RNMT: variants seen among roughly 807,000 people sequenced by gnomAD.
The protein encoded by RNMT is mRNA cap guanine-N(7) methyltransferase.
A neutral mutation model predicts 56.0 loss-of-function variants in RNMT; 27 were observed. That is an observed-to-expected ratio of 0.48 (90% CI 0.36 to 0.67). The LOEUF is 0.67. Ranked by LOEUF, RNMT falls within the 30% of genes least tolerant of loss-of-function variation. RNMT has a pLI of 0.00. For missense variants in RNMT, 519 were observed against 552.1 expected, an observed-to-expected ratio of 0.94 and a Z score of 0.60; for synonymous variants, 184 against 176.2, an observed-to-expected ratio of 1.04 and a Z score of -0.35.
At chr18:13,733,409 G>T (rs1568498972) in intron 3 of RNMT, among the ~76,000 whole-genome samples, 1 of 151,772 alleles carries the variant, frequency 6.6e-6, no homozygotes, top group Non-Finnish European at 1.5e-5. Context: ...TGAGAGTCTC[G>T]CTCTGTTGCC....
Position 13,762,740 on chromosome 18 carries a change from C to A in RNMT, c.*2761C>A. The A allele has an allele frequency of 3.7e-6, 1 of 268,092 alleles. No homozygotes were observed. The highest frequency in any genetic ancestry group is 7.4e-6 in the Non-Finnish European group (1 of 134,896). 16.6% of individuals were successfully genotyped at this position (268,092 alleles called of 1,614,324 possible). ...GAAAAGAAGACAAAGCTTGCTCAGC[C>A]ATGAGATGGCCAGGTATCCAGTTTT... is the stretch of plus-strand genomic sequence containing the variant. On this transcript the variant is annotated 3_prime_UTR_variant, in exon 12 of 12. Transcript: ENST00000383314.
intron 8 of RNMT, among the ~76,000 whole-genome samples, chr18:13,745,170 A>T (rs1166552947): frequency 6.6e-6 from 1 of 152,158 alleles, no homozygotes; most frequent in Non-Finnish European, 1.5e-5. Flanking sequence ...TTTACAGATG[A>T]ATGTCTTCGA....
At chr18:13,727,134 G>T (rs1431670874) in intron 1 of RNMT, among the ~76,000 whole-genome samples, 1 of 152,222 alleles carries the variant, frequency 6.6e-6, no homozygotes, top group Non-Finnish European at 1.5e-5. Context: ...GTCCCTTCTC[G>T]CCTCTGTGCG....
At position 13,734,501 on chromosome 18, in the gene RNMT, A is replaced by G. The variant is rs751001553; in HGVS notation, c.455A>G (p.His152Arg). ...EEGHSSTVAA[H>R]YNELQEVGLE... is the part of the protein sequence containing the mutation. ...GGACACAGCTCAACAGTGGCTGCCC[A>G]TTACAATGAACTTCAGGAAGTTGGT... Residue 152 changes from histidine (H) to arginine (R), a missense_variant, in exon 4 of 12, where the codon CAT becomes CGT. Transcript: ENST00000383314. The G allele has an allele frequency of 1.2e-6, 2 of 1,613,736 alleles. No homozygotes were observed. The highest frequency in any genetic ancestry group is 2.2e-5 in the South Asian group (2 of 90,962).
Position 13,731,884 on chromosome 18 carries a change from A to G in RNMT, c.367A>G (p.Thr123Ala), listed in dbSNP as rs907869437. 1 of 1,604,418 alleles carries G rather than the reference A, an allele frequency of 6.2e-7. No individual in the cohort carries two copies. The highest frequency in any genetic ancestry group is 2.2e-5 in the East Asian group (1 of 44,814). ...PKDKSSTGDG[T>A]QNKRKIALED... ...AGATAAATCTTCTACTGGAGATGGC[A>G]CTCAAAATAAGAGAAAAATAGCACT... is the stretch of plus-strand genomic sequence containing the variant. Residue 123 changes from threonine (T) to alanine (A), a missense_variant, in exon 3 of 12, where the codon ACT (threonine) becomes GCT (alanine). Thr to Ala is a moderately conservative substitution (Grantham distance 58, BLOSUM62 0). Coordinates refer to ENST00000383314, the MANE Select transcript of RNMT (RefSeq NM_003799.3).
chr18:13,762,846 C>G lies in RNMT; in HGVS notation c.*2867C>G. Reference sequence around the variant, plus strand: ...TGTCATTTTGATTTGTATTCAAGTACTCTTCAAGTATCTTTGTAATGAAGG... The same window carrying G: ...TGTCATTTTGATTTGTATTCAAGTAGTCTTCAAGTATCTTTGTAATGAAGG... On this transcript the variant is annotated 3_prime_UTR_variant, in exon 12 of 12. Coordinates refer to ENST00000383314, the MANE Select transcript of RNMT (RefSeq NM_003799.3). 3.4e-6 allele frequency: 1 copy of G among 295,804 alleles called. No individual in the cohort carries two copies. Among genetic ancestry groups the G allele is most frequent in the South Asian group, 3.2e-5 (1 of 30,978 alleles). 18.3% of individuals were successfully genotyped at this position (295,804 alleles called of 1,614,324 possible). A position where few individuals can be genotyped will look rare whatever the true frequency, so the allele number is the denominator to read the frequency against.
chr18:13,742,794 T>TAA (rs376557096), intron 8 of RNMT, 142 bp downstream of exon 8: 641 of 479,930 alleles, frequency 1.3e-3, no homozygotes, highest in South Asian at 2.4e-3. Context: ...TTTGTGTTTT[T>TAA]AAAAAAAAAA....
In RNMT at chr18:13,760,154, T is replaced by C. The variant is rs888037314; in HGVS notation, c.*175T>C. 6 of 1,339,706 alleles carry C rather than the reference T, an allele frequency of 4.5e-6. No individual in the cohort carries two copies. The African/African-American group carries it at 7.4e-5, about 17-fold the overall frequency. 83.0% of individuals were successfully genotyped at this position (1,339,706 alleles called of 1,614,324 possible). A position where few individuals can be genotyped will look rare whatever the true frequency, so the allele number is the denominator to read the frequency against. ...TTGCTGTCTGTGACAGATGAACTTT[T>C]GCATGTGTATATAAGAATGAGTTGG... On this transcript the variant is annotated 3_prime_UTR_variant, in exon 12 of 12. Coordinates refer to ENST00000383314, the MANE Select transcript of RNMT (RefSeq NM_003799.3).
At chr18:13,752,770 C>T (rs764109947) in intron 10 of RNMT, among the ~76,000 whole-genome samples, 9 of 152,240 alleles carry the variant, frequency 5.9e-5, no homozygotes, top group African/African-American at 9.6e-5. Context: ...ATTACATCTT[C>T]ACCTATACTA....
At chr18:13,745,952 G>A (rs951917335) in intron 8 of RNMT, among the ~76,000 whole-genome samples, 8 of 152,068 alleles carry the variant, frequency 5.3e-5, no homozygotes, top group African/African-American at 1.2e-4. Flanking sequence ...CACTTTTTCC[G>A]CATCTCACAG....
chr18:13,762,125 G>A lies in RNMT; in HGVS notation c.*2146G>A. On this transcript the variant is annotated 3_prime_UTR_variant, in exon 12 of 12. Coordinates refer to ENST00000383314, the MANE Select transcript of RNMT (RefSeq NM_003799.3). Reference sequence around the variant, plus strand: ...TGTTGCTGCAAGCTCAGTGAAGTGGGGCACTCCCAGACCTGCCATGCAGTT... The same window carrying A: ...TGTTGCTGCAAGCTCAGTGAAGTGGAGCACTCCCAGACCTGCCATGCAGTT... The A allele has an allele frequency of 1.3e-6, 2 of 1,535,876 alleles. No homozygotes were observed. Among genetic ancestry groups the A allele is most frequent in the Non-Finnish European group, 1.7e-6 (2 of 1,146,798 alleles).
In RNMT at chr18:13,764,191, G is replaced by A. The variant is rs1055401973; in HGVS notation, c.*4212G>A. ...GAGACATTTTTTTCAGTTTTGAGTC[G>A]AGTATCCAGACAGAGGCAAATCATT... On this transcript the variant is annotated 3_prime_UTR_variant, in exon 12 of 12. Transcript: ENST00000383314. 14 of 152,132 alleles carry A rather than the reference G, an allele frequency of 9.2e-5. No individual in the cohort carries two copies. The highest frequency in any genetic ancestry group is 3.4e-4 in the African/African-American group (14 of 41,434). The allele number at this position is 152,132 out of a possible 1,614,324, so 9.4% of individuals were successfully genotyped here. A position where few individuals can be genotyped will look rare whatever the true frequency, so the allele number is the denominator to read the frequency against.
intron 8 of RNMT, among the ~76,000 whole-genome samples, chr18:13,743,318 G>C (rs1301210006): frequency 2.1e-5 from 1 of 48,360 alleles, no homozygotes; most frequent in African/African-American, 9.1e-5. Flanking sequence ...GCGAAACTCC[G>C]TCTCAAAAAA....
At chr18:13,742,770 C>A in intron 8 of RNMT, 118 bp downstream of exon 8, 1 of 741,274 alleles carries the variant, frequency 1.3e-6, no homozygotes, top group African/African-American at 1.9e-5. Flanking sequence ...AAAGTATAAT[C>A]TTGTTTTTTT....
chr18:13,737,150 G>T lies in RNMT; in HGVS notation c.679+15G>T. 2 of 1,567,396 alleles carry T rather than the reference G, an allele frequency of 1.3e-6. No individual in the cohort carries two copies. The highest frequency in any genetic ancestry group is 2.3e-5 in the East Asian group (1 of 44,328). On this transcript the variant is annotated intron_variant, in intron 5 of 11. Transcript: ENST00000383314. Reference sequence around the variant, plus strand: ...AGTTTGTACTGGTAAGATAAATAATGATATGGGAAAGAATAATTTGTAGTC... The same window carrying T: ...AGTTTGTACTGGTAAGATAAATAATTATATGGGAAAGAATAATTTGTAGTC...
chr18:13,757,397 G>C (rs957119070), intron 11 of RNMT, among the ~76,000 whole-genome samples: 4 of 152,086 alleles, frequency 2.6e-5, no homozygotes, highest in African/African-American at 9.7e-5. Context: ...TTCTAAATTG[G>C]AGTCACTCCT....
intron 9 of RNMT, among the ~76,000 whole-genome samples, chr18:13,751,956 C>T (rs527616131): frequency 1.2e-4 from 18 of 150,422 alleles, no homozygotes; most frequent in Admixed American, 4.6e-4. Context: ...CATCACACAC[C>T]GGGGGGCCTG....
At chr18:13,729,439 A>G (rs1377931857) in intron 1 of RNMT, among the ~76,000 whole-genome samples, 7 of 152,224 alleles carry the variant, frequency 4.6e-5, no homozygotes. Context: ...GATAAGTCAC[A>G]TTTCTTTATT....
At chr18:13,742,368 A>T in intron 7 of RNMT, 120 bp from the exon 8 acceptor site, 1 of 888,804 alleles carries the variant, frequency 1.1e-6, no homozygotes, top group Non-Finnish European at 1.7e-6. Context: ...GCCCAGATAT[A>T]ATTAAAAGGC....
Sources: gnomAD v4.1 joint callset for allele counts (sites outside exome capture counted in the v4.1 genomes callset) on GRCh38, gnomAD v4.1.1 for gene constraint, MANE v1.5 for transcripts, NCBI Gene and HGNC (gene_info 2026-07-23, HGNC 2026-07-21) for gene names.